The following CPLX2 variants were observed in gnomAD, a reference collection of about 807,000 sequenced individuals.
The protein encoded by CPLX2 is complexin-2.
In CPLX2, 5 loss-of-function variants were observed where a neutral mutation model predicts 16.3. The ratio of observed to expected loss-of-function variants is 0.31; its 90% CI spans 0.16 to 0.64. The LOEUF is 0.64. CPLX2 is among the 30% of genes least tolerant of loss of function. CPLX2 has a pLI of 0.79. For missense variants in CPLX2, 144 were observed against 181.4 expected, an observed-to-expected ratio of 0.79 and a Z score of 1.18; for synonymous variants, 89 against 73.2, an observed-to-expected ratio of 1.22 and a Z score of -1.10.
upstream of CPLX2, among the ~76,000 whole-genome samples, chr5:175,868,251 T>C (rs1204505574): frequency 2.6e-5 from 4 of 152,116 alleles, no homozygotes; most frequent in Non-Finnish European, 4.4e-5. Flanking sequence ...AGGGAAGAAA[T>C]GGGCTGACCT....
At chr5:175,820,466 C>T (rs899046431) in intron 2 of CPLX2, among the ~76,000 whole-genome samples, 6 of 152,196 alleles carry the variant, frequency 3.9e-5, no homozygotes, top group African/African-American at 1.4e-4. Flanking sequence ...GTGTGGTGGG[C>T]CAGGCATGGC....
chr5:175,808,229 T>G (rs1423671234), intron 1 of CPLX2, among the ~76,000 whole-genome samples: 1 of 152,198 alleles, frequency 6.6e-6, no homozygotes, highest in African/African-American at 2.4e-5. Flanking sequence ...CATCAGTATT[T>G]TCATCTATCA....
intron 1 of CPLX2, chr5:175,871,954 A>T (rs1561790721): frequency 6.6e-6 from 1 of 152,170 alleles, no homozygotes; most frequent in Non-Finnish European, 1.5e-5. Context: ...CTAGCTGCGA[A>T]CTAAGAGGAA....
chr5:175,863,099 G>A (rs1056771968), intron 2 of CPLX2, among the ~76,000 whole-genome samples: 1 of 152,222 alleles, frequency 6.6e-6, no homozygotes, highest in South Asian at 2.1e-4. Flanking sequence ...GCTGAGCCAA[G>A]CTGACTGGAA....
intron 2 of CPLX2, among the ~76,000 whole-genome samples, chr5:175,860,462 AAG>A (rs1011209794): frequency 8.7e-5 from 13 of 149,972 alleles, no homozygotes; most frequent in South Asian, 2.1e-4. Flanking sequence ...GAGAGAAAGA[AAG>A]AGAGAGAGAG....
intron 2 of CPLX2, among the ~76,000 whole-genome samples, chr5:175,834,974 G>C (rs917288657): frequency 6.6e-6 from 1 of 152,214 alleles, no homozygotes; most frequent in Non-Finnish European, 1.5e-5. Flanking sequence ...GTGCTCCAGA[G>C]AGGGACAACA....
intron 2 of CPLX2, among the ~76,000 whole-genome samples, chr5:175,860,532 GAA>G (rs1270636600): frequency 1.9e-4 from 4 of 20,554 alleles, no homozygotes; most frequent in Admixed American, 6.7e-4. Context: ...AAGAAAGAAA[GAA>G]AGAAAGATAG....
chr5:175,829,119 G>A (rs895194666), intron 2 of CPLX2, among the ~76,000 whole-genome samples: 2 of 152,238 alleles, frequency 1.3e-5, no homozygotes, highest in Non-Finnish European at 2.9e-5. Context: ...CACTGAAGCG[G>A]ATGCAGACCC....
intron 2 of CPLX2, among the ~76,000 whole-genome samples, chr5:175,835,019 T>C (rs1192061151): frequency 1.3e-5 from 2 of 152,040 alleles, no homozygotes; most frequent in Non-Finnish European, 2.9e-5. Context: ...GACCACAGGG[T>C]TGATGGGGAC....
chr5:175,854,739 C>T (rs1036825249), intron 2 of CPLX2, among the ~76,000 whole-genome samples: 75 of 152,140 alleles, frequency 4.9e-4, no homozygotes, highest in African/African-American at 1.8e-3. Flanking sequence ...CAGCAGCCTA[C>T]GAGACAGCAG....
chr5:175,808,405 C>T (rs146627851), intron 1 of CPLX2, among the ~76,000 whole-genome samples: 7 of 152,010 alleles, frequency 4.6e-5, no homozygotes, highest in Non-Finnish European at 7.4e-5. Flanking sequence ...TTGCCTTTTA[C>T]GGAATGCATG....
intron 2 of CPLX2, among the ~76,000 whole-genome samples, chr5:175,843,556 C>T (rs187734689): frequency 4.3e-4 from 66 of 152,336 alleles, no homozygotes; most frequent in Admixed American, 2.4e-3. Flanking sequence ...TGTAAATGAA[C>T]GCAGGATCTC....
intron 2 of CPLX2, among the ~76,000 whole-genome samples, chr5:175,839,468 A>G (rs1234517559): frequency 1.3e-5 from 2 of 152,066 alleles, no homozygotes; most frequent in Admixed American, 6.6e-5. Flanking sequence ...GTATTTTAAT[A>G]GAGATGGGGT....
chr5:175,860,361 G>A (rs1759338285), intron 2 of CPLX2, among the ~76,000 whole-genome samples: 1 of 151,272 alleles, frequency 6.6e-6, no homozygotes, highest in Non-Finnish European at 1.5e-5. Context: ...GGTTTTAGGC[G>A]GCAGTGAGCC....
At chr5:175,874,497 A>G (rs1373137511) in intron 1 of CPLX2, among the ~76,000 whole-genome samples, 2 of 152,312 alleles carry the variant, frequency 1.3e-5, no homozygotes, top group Non-Finnish European at 2.9e-5. Flanking sequence ...TAGGTACTCA[A>G]GGAATATTTG....
chr5:175,836,166 C>G lies in CPLX2; in HGVS notation c.-89+27098C>G, dbSNP rs915631520. Among the ~76,000 whole-genome samples the G allele has an allele frequency of 1.4e-4, 22 of 152,124 alleles. No homozygotes were observed. In the East Asian group the frequency reaches 2.5e-3, roughly 18 times the overall value. ...GAGATCGAAACCATCCTGGCTAACA[C>G]GGTGAAACCCCGTCTCTACTAAAAA... is the stretch of plus-strand genomic sequence containing the variant. On this transcript the variant is annotated intron_variant, in intron 2 of 4. Coordinates refer to the CPLX2 transcript ENST00000359546.
At chr5:175,828,948 T>C (rs1758673878) in intron 2 of CPLX2, among the ~76,000 whole-genome samples, 1 of 151,730 alleles carries the variant, frequency 6.6e-6, no homozygotes, top group African/African-American at 2.4e-5. Context: ...AGAAGTGAGG[T>C]CTGGGGGAGG....
intron 2 of CPLX2, among the ~76,000 whole-genome samples, chr5:175,820,810 G>C (rs1758492833): frequency 6.6e-6 from 1 of 152,178 alleles, no homozygotes; most frequent in Non-Finnish European, 1.5e-5. Flanking sequence ...TCTGCATTGA[G>C]AGAAACAGAC....
intron 2 of CPLX2, among the ~76,000 whole-genome samples, chr5:175,829,226 A>AG (rs1758682099): frequency 6.6e-6 from 1 of 152,318 alleles, no homozygotes; most frequent in South Asian, 2.1e-4. Flanking sequence ...CCTGCAAGGG[A>AG]GGCATTACCG....
Sources: allele counts gnomAD v4.1 joint callset (sites outside exome capture counted in the v4.1 genomes callset), GRCh38; gene constraint gnomAD v4.1.1; transcripts MANE v1.5; gene names NCBI Gene and HGNC (gene_info 2026-07-23, HGNC 2026-07-21).